MOGAT2: variants seen among roughly 807,000 people sequenced by gnomAD.
The protein encoded by MOGAT2 is 2-acylglycerol O-acyltransferase 2.
A neutral mutation model predicts 31.5 loss-of-function variants in MOGAT2; 27 were observed. The observed-to-expected ratio is 0.86, with a 90% CI of 0.63 to 1.18. The LOEUF (loss-of-function observed/expected upper bound fraction) is 1.18, where lower values mean the gene tolerates loss of function less well. MOGAT2 is among the 50% of genes most tolerant of loss of function. The pLI is 0.00. For synonymous variants in MOGAT2, 163 were observed against 170.0 expected, an observed-to-expected ratio of 0.96 and a Z score of 0.32; for missense variants, 436 against 433.2, an observed-to-expected ratio of 1.01 and a Z score of -0.06.
chr11:75,723,479 C>G (rs576615041), intron 2 of MOGAT2, among the ~76,000 whole-genome samples: 3 of 151,764 alleles, frequency 2.0e-5, no homozygotes, highest in Admixed American at 6.6e-5. Context: ...GCCCAGGCCC[C>G]GCAGGGATCA....
At chr11:75,729,572 G>C (rs924823076) in intron 5 of MOGAT2, among the ~76,000 whole-genome samples, 1 of 152,072 alleles carries the variant, frequency 6.6e-6, no homozygotes, top group African/African-American at 2.4e-5. Context: ...ACCGCGCCTG[G>C]CCATACCTTC....
At chr11:75,726,156 A>G (rs1036127282) in intron 2 of MOGAT2, among the ~76,000 whole-genome samples, 1 of 152,192 alleles carries the variant, frequency 6.6e-6, no homozygotes, top group Non-Finnish European at 1.5e-5. Flanking sequence ...GGATGCTGCT[A>G]CACTCTCATG....
intron 5 of MOGAT2, among the ~76,000 whole-genome samples, chr11:75,730,557 C>A (rs148094690): frequency 6.6e-6 from 1 of 152,250 alleles, no homozygotes; most frequent in African/African-American, 2.4e-5. Context: ...GGTTTTTATA[C>A]CCATAGGATA....
chr11:75,717,998 T>C lies in MOGAT2; in HGVS notation c.91+19T>C, dbSNP rs1944344409. ...GCACTGGGTAAGTTGGGCTGCACTG[T>C]AAGACGGGAGACCACCGCACTCAGG... On this transcript the variant is annotated intron_variant, in intron 1 of 5. Transcript: ENST00000198801. 2.5e-6 allele frequency: 4 copies of C among 1,612,580 alleles called. No homozygotes were observed. The highest frequency in any genetic ancestry group is 3.4e-6 in the Non-Finnish European group (4 of 1,178,874).
Position 75,727,431 on chromosome 11 carries a change from G to A in MOGAT2, c.271-4G>A, listed in dbSNP as rs770186808. 3.7e-6 allele frequency: 6 copies of A among 1,611,798 alleles called. No homozygotes were observed. Among genetic ancestry groups the A allele is most frequent in the Non-Finnish European group, 5.1e-6 (6 of 1,178,346 alleles). On this transcript the variant is annotated splice_polypyrimidine_tract_variant and splice_region_variant and intron_variant, in intron 2 of 5. Coordinates refer to ENST00000198801, the MANE Select transcript of MOGAT2 (RefSeq NM_025098.4). ...CCTGGCTCAGCAGGTTGCCGTCCCT[G>A]CAGCTGGTCAAGACTGCTGAGCTGG...
chr11:75,718,993 A>T (rs1360613848), intron 1 of MOGAT2, among the ~76,000 whole-genome samples: 1 of 151,868 alleles, frequency 6.6e-6, no homozygotes, highest in Non-Finnish European at 1.5e-5. Context: ...ACACACACAC[A>T]CACACACACG....
rs1944491064 is a variant in MOGAT2 at position 75,732,479 on chromosome 11, C to T, written c.*1193C>T. ...GGGTCAACGGAAGACGGAACATGTCCACTTCCAGGCCCGAGCTTCTCAGCC... is the reference window on the plus strand; with the variant it reads ...GGGTCAACGGAAGACGGAACATGTCTACTTCCAGGCCCGAGCTTCTCAGCC... On this transcript the variant is annotated 3_prime_UTR_variant, in exon 6 of 6. Transcript: ENST00000198801. 1 of 152,278 alleles carries T rather than the reference C, an allele frequency of 6.6e-6. No homozygotes were observed. Among genetic ancestry groups the T allele is most frequent in the Admixed American group, 6.5e-5 (1 of 15,270 alleles). The allele number at this position is 152,278 out of a possible 1,614,324, so 9.4% of individuals were successfully genotyped here. A position where few individuals can be genotyped will look rare whatever the true frequency, so the allele number is the denominator to read the frequency against.
At position 75,732,515 on chromosome 11, in the gene MOGAT2, C is replaced by T. The variant is rs1227673356; in HGVS notation, c.*1229C>T. ...CCGAGCTTCTCAGCCTGCCGTTTGC[C>T]ACTCTCCAGCATCTGGCCCAGCCTG... On this transcript the variant is annotated 3_prime_UTR_variant, in exon 6 of 6. Transcript: ENST00000198801. 1.3e-5 allele frequency: 2 copies of T among 152,298 alleles called. No homozygotes were observed. Among genetic ancestry groups the T allele is most frequent in the East Asian group, 3.9e-4 (2 of 5,188 alleles). 9.4% of individuals were successfully genotyped at this position (152,298 alleles called of 1,614,324 possible). A position where few individuals can be genotyped will look rare whatever the true frequency, so the allele number is the denominator to read the frequency against.
intron 5 of MOGAT2, 134 bp from the exon 6 acceptor site, chr11:75,730,998 A>G (rs1418735176): frequency 5.1e-6 from 3 of 587,236 alleles, no homozygotes; most frequent in Non-Finnish European, 8.4e-6. Context: ...AGTTGCCCTA[A>G]TATCTTAAAA....
rs1334139523 is a variant in MOGAT2, at chr11:75,728,927, G to C, written c.788G>C (p.Gly263Ala). The C allele has an allele frequency of 6.2e-6, 10 of 1,614,146 alleles. No individual in the cohort carries two copies. Among genetic ancestry groups the C allele is most frequent in the South Asian group, 3.3e-5 (3 of 91,084 alleles). Residue 263 changes from glycine to alanine, a missense_variant, in exon 5 of 6, where the codon GGC (glycine) becomes GCC (alanine). Gly to Ala is a moderately conservative substitution (Grantham distance 60). Coordinates refer to ENST00000198801, the MANE Select transcript of MOGAT2 (RefSeq NM_025098.4). ...GGCATCTCCCTCCCACTCTTTCATGGCCGTGGTGTCTTCCAGTACAGCTTT... is the reference window on the plus strand; with the variant it reads ...GGCATCTCCCTCCCACTCTTTCATGCCCGTGGTGTCTTCCAGTACAGCTTT... ...IMGISLPLFH[G>A]RGVFQYSFGL...
chr11:75,723,258 C>CTGTTT (rs1944392820), intron 2 of MOGAT2, among the ~76,000 whole-genome samples: 1 of 119,674 alleles, frequency 8.4e-6, no homozygotes, highest in Non-Finnish European at 1.7e-5. Context: ...GCTCTGTGCA[C>CTGTTT]TGTTTTGTTT....
chr11:75,720,549 A>G (rs1205809493), intron 2 of MOGAT2, among the ~76,000 whole-genome samples: 1 of 152,176 alleles, frequency 6.6e-6, no homozygotes, highest in Non-Finnish European at 1.5e-5. Flanking sequence ...CACACTTAAC[A>G]TTCATCAGAA....
chr11:75,727,910 T>G, intron 3 of MOGAT2, 60 bp from the exon 4 acceptor site: 1 of 1,483,142 alleles, frequency 6.7e-7, no homozygotes, highest in Non-Finnish European at 9.1e-7. Context: ...ATGGGCTACA[T>G]GTACTTTCAT....
chr11:75,725,631 C>A (rs1308701339), intron 2 of MOGAT2, among the ~76,000 whole-genome samples: 4 of 152,182 alleles, frequency 2.6e-5, no homozygotes. Flanking sequence ...AACTGTTCAG[C>A]CTGGATGGGG....
At chr11:75,722,487 C>T (rs1021537351) in intron 2 of MOGAT2, among the ~76,000 whole-genome samples, 2 of 152,060 alleles carry the variant, frequency 1.3e-5, no homozygotes, top group South Asian at 4.2e-4. Flanking sequence ...CCAAGCTCAC[C>T]GGGGGGGAAA....
chr11:75,718,013 C>A (rs1163575035), intron 1 of MOGAT2, 34 bp downstream of exon 1: 2 of 1,599,846 alleles, frequency 1.3e-6, no homozygotes, highest in Non-Finnish European at 1.7e-6. Flanking sequence ...CGGGAGACCA[C>A]CGCACTCAGG....
At chr11:75,722,983 C>T (rs1042684510) in intron 2 of MOGAT2, among the ~76,000 whole-genome samples, 2 of 152,110 alleles carry the variant, frequency 1.3e-5, no homozygotes, top group East Asian at 1.9e-4. Flanking sequence ...TTTTTCGAGA[C>T]GGAGTTTCAC....
chr11:75,726,512 C>G (rs1011036108), intron 2 of MOGAT2, among the ~76,000 whole-genome samples: 1 of 152,098 alleles, frequency 6.6e-6, no homozygotes, highest in Non-Finnish European at 1.5e-5. Context: ...TATACAGTAA[C>G]CCATCTCTAG....
At position 75,717,939 on chromosome 11, in the gene MOGAT2, A is replaced by C. The variant is rs750927541; in HGVS notation, c.51A>C (p.Thr17=). Residue 17 remains threonine (T), a synonymous_variant, in exon 1 of 6, where the codon ACA becomes ACC. Coordinates refer to ENST00000198801, the MANE Select transcript of MOGAT2 (RefSeq NM_025098.4). ...TGCCGTGGGAGCGCAGGCTGCAGAC[A>C]CTTGCTGTCCTACAGTTTGTCTTCT... is the stretch of plus-strand genomic sequence containing the variant. ...LFMPWERRLQ[T]LAVLQFVFSF... The C allele has an allele frequency of 2.5e-6, 4 of 1,614,124 alleles. No homozygotes were observed. The highest frequency in any genetic ancestry group is 1.6e-4 in the Middle Eastern group (1 of 6,084).
Sources: gnomAD v4.1 joint callset for allele counts (sites outside exome capture counted in the v4.1 genomes callset) on GRCh38, gnomAD v4.1.1 for gene constraint, MANE v1.5 for transcripts, NCBI Gene and HGNC (gene_info 2026-07-23, HGNC 2026-07-21) for gene names.